The following CRYGN variants were observed in gnomAD, a reference collection of about 807,000 sequenced individuals.
CRYGN encodes the protein gamma-crystallin N.
A neutral mutation model predicts 19.2 loss-of-function variants in CRYGN; 17 were observed. That is an observed-to-expected ratio of 0.89 (90% CI 0.61 to 1.33). The LOEUF (loss-of-function observed/expected upper bound fraction) is 1.33, where lower values mean the gene tolerates loss of function less well. Among genes scored for constraint, CRYGN ranks in the 40% most tolerant of loss-of-function variants. CRYGN has a pLI of 0.00. For missense variants in CRYGN, 239 were observed against 239.6 expected (o/e 1.00, Z 0.02); for synonymous variants, 84 against 85.8 (o/e 0.98, Z 0.12).
Position 151,430,035 on chromosome 7 carries a change from A to G in CRYGN, c.*13T>C, listed in dbSNP as rs900769488. 14 of 929,738 alleles carry G rather than the reference A, an allele frequency of 1.5e-5. No individual in the cohort carries two copies. The highest frequency in any genetic ancestry group is 5.2e-5 in the South Asian group (4 of 77,526). 57.6% of individuals were successfully genotyped at this position (929,738 alleles called of 1,614,324 possible). On this transcript the variant is annotated 3_prime_UTR_variant, in exon 4 of 4. Coordinates refer to ENST00000337323, the MANE Select transcript of CRYGN (RefSeq NM_144727.3). The surrounding 1 kb of genome is among the most constrained non-coding windows in gnomAD (Gnocchi z 5.2). ...ACGGTGCAGGTGCATTTACATGTCA[A>G]TCGGTTCCAGGCTCAGAGGTTTGCA... is the stretch of plus-strand genomic sequence containing the variant.
At position 151,435,377 on chromosome 7, in the gene CRYGN, G is replaced by C. The variant is rs1584825821; in HGVS notation, c.416+803C>G. Among the ~76,000 whole-genome samples the C allele has an allele frequency of 6.6e-6, 1 of 152,198 alleles. No homozygotes were observed. The highest frequency in any genetic ancestry group is 2.1e-4 in the South Asian group (1 of 4,830). On this transcript the variant is annotated intron_variant, in intron 3 of 3. Coordinates refer to ENST00000337323, the MANE Select transcript of CRYGN (RefSeq NM_144727.3). The surrounding 1 kb of genome is among the most constrained non-coding windows in gnomAD (Gnocchi z 4.2). Reference sequence around the variant, plus strand: ...CGGGCAGTCAGCCTTCTGAGTCTCAGCTTGCCCTTTGTAGAACGGGGGCGA... The same window carrying C: ...CGGGCAGTCAGCCTTCTGAGTCTCACCTTGCCCTTTGTAGAACGGGGGCGA...
rs538655088 is a variant in CRYGN at position 151,435,594 on chromosome 7, C to T, written c.416+586G>A. 3.9e-5 allele frequency among the ~76,000 whole-genome samples: 6 copies of T among 152,226 alleles called. No homozygotes were observed. In the South Asian group the frequency reaches 1.2e-3, roughly 32 times the overall value. ...CCATCTGGGCCTGGGCAAAATTCCC[C>T]CAGCTACTTTCTGTCCAGGAGTGAG... is the stretch of plus-strand genomic sequence containing the variant. On this transcript the variant is annotated intron_variant, in intron 3 of 3. Coordinates refer to ENST00000337323, the MANE Select transcript of CRYGN (RefSeq NM_144727.3). This position sits in a 1 kb window ranked among gnomAD's most constrained non-coding sequence, Gnocchi z 4.2.
chr7:151,439,197 G>A (rs1384645835), intron 1 of CRYGN: 1 of 152,252 alleles, frequency 6.6e-6, no homozygotes, highest in Non-Finnish European at 1.5e-5. Flanking sequence ...CACCGGAAAG[G>A]AGGCAGACAC....
intron 3 of CRYGN, chr7:151,432,210 C>G (rs1801486852): frequency 1.6e-6 from 2 of 1,232,060 alleles, no homozygotes; most frequent in East Asian, 6.3e-5. Context: ...CCTCCCAGTC[C>G]GAGAAGCTGC....
chr7:151,440,583 T>C, upstream of CRYGN: 1 of 153,854 alleles, frequency 6.5e-6, no homozygotes, highest in Non-Finnish European at 1.4e-5. Context: ...TCTTCCTGCC[T>C]GCCTCCCTCC....
At chr7:151,437,441 C>T (rs1054535232) in intron 2 of CRYGN, among the ~76,000 whole-genome samples, 4 of 152,228 alleles carry the variant, frequency 2.6e-5, no homozygotes, top group Admixed American at 6.5e-5. Context: ...AACAGTCTTT[C>T]GCCACCGGGG....
At chr7:151,434,844 G>A (rs1487650816) in intron 3 of CRYGN, among the ~76,000 whole-genome samples, 1 of 152,142 alleles carries the variant, frequency 6.6e-6, no homozygotes, top group Non-Finnish European at 1.5e-5. Flanking sequence ...GCCATACATT[G>A]TTTCACTTAA....
chr7:151,432,062 C>T (rs1004501447), intron 3 of CRYGN: 24 of 567,666 alleles, frequency 4.2e-5, no homozygotes, highest in African/African-American at 3.7e-4. Flanking sequence ...GGACTTTTAT[C>T]GCCCAAGGTC....
chr7:151,440,427 G>GACAT (rs1322635303), upstream of CRYGN: 1 of 156,860 alleles, frequency 6.4e-6, no homozygotes, highest in Non-Finnish European at 1.4e-5. Flanking sequence ...CAGACAGACA[G>GACAT]CCCTTGACCG....
In CRYGN at chr7:151,436,361, GTT is replaced by G; in HGVS notation, c.271-38_271-37del. ...AAGCAAAAAAGAAGGAAAGAAGGAG[GTT>G]GCTGTGAATTCCCCTCTCCCAGAAA... is the stretch of plus-strand genomic sequence containing the variant. On this transcript the variant is annotated intron_variant, in intron 2 of 3. Coordinates refer to ENST00000337323, the MANE Select transcript of CRYGN (RefSeq NM_144727.3). The surrounding 1 kb of genome is among the most constrained non-coding windows in gnomAD (Gnocchi z 5.1). 2.1e-5 allele frequency: 26 copies of G among 1,258,080 alleles called. No individual in the cohort carries two copies. The highest frequency in any genetic ancestry group is 2.6e-5 in the Non-Finnish European group (24 of 917,382). 77.9% of individuals were successfully genotyped at this position (1,258,080 alleles called of 1,614,324 possible). A position where few individuals can be genotyped will look rare whatever the true frequency, so the allele number is the denominator to read the frequency against.
chr7:151,439,595 G>A (rs934086220), intron 1 of CRYGN, among the ~76,000 whole-genome samples: 1 of 152,116 alleles, frequency 6.6e-6, no homozygotes, highest in African/African-American at 2.4e-5. Context: ...GGAGGGCTGT[G>A]GGACAAGCCA....
chr7:151,435,998 T>C lies in CRYGN; in HGVS notation c.416+182A>G, dbSNP rs1331662769. ...GCCACAGGGGAAGCTCCCCGCTGCT[T>C]GACTGGGGCAGGTGAGGCAGCTGAG... On this transcript the variant is annotated intron_variant, in intron 3 of 3. Transcript: ENST00000337323. The surrounding 1 kb of genome is among the most constrained non-coding windows in gnomAD (Gnocchi z 4.2). Among the ~76,000 whole-genome samples, 1 of 152,038 alleles carries C rather than the reference T, an allele frequency of 6.6e-6. No homozygotes were observed. Among genetic ancestry groups the C allele is most frequent in the East Asian group, 1.9e-4 (1 of 5,154 alleles).
Position 151,439,977 on chromosome 7 carries a change from G to C in CRYGN, c.-60C>G, listed in dbSNP as rs1448692757. On this transcript the variant is annotated 5_prime_UTR_variant, in exon 1 of 4. Transcript: ENST00000337323. ...CACCGGGCAGCGCCCTGCTGGCTCA[G>C]CGCCGCCCCGGACAAAAGATTTGCT... 6.8e-7 allele frequency: 1 copy of C among 1,462,398 alleles called. No individual in the cohort carries two copies. Among genetic ancestry groups the C allele is most frequent in the Non-Finnish European group, 9.1e-7 (1 of 1,103,650 alleles). 90.6% of individuals were successfully genotyped at this position (1,462,398 alleles called of 1,614,324 possible). A position where few individuals can be genotyped will look rare whatever the true frequency, so the allele number is the denominator to read the frequency against.
chr7:151,434,641 C>T lies in CRYGN; in HGVS notation c.416+1539G>A, dbSNP rs115963245. 5.6e-3 allele frequency among the ~76,000 whole-genome samples: 851 copies of T among 152,308 alleles called. 11 individuals carry two copies. The highest frequency in any genetic ancestry group is 0.019 in the African/African-American group (794 of 41,566). On this transcript the variant is annotated intron_variant, in intron 3 of 3. Coordinates refer to ENST00000337323, the MANE Select transcript of CRYGN (RefSeq NM_144727.3). ...ATCAAAATCCGAGGATGCTCAAGTT[C>T]CTGATATAAAATGGCACTGTATTTG...
In CRYGN at chr7:151,438,045, C is replaced by A. The variant is rs570965363; in HGVS notation, c.221G>T (p.Arg74Leu). 2 of 1,613,960 alleles carry A rather than the reference C, an allele frequency of 1.2e-6. No homozygotes were observed. Among genetic ancestry groups the A allele is most frequent in the Non-Finnish European group, 1.7e-6 (2 of 1,180,040 alleles). ...CATGTGGTCACTGTGGCTGTTCCAG[C>A]GGAAGAAGTCGGGGTAGTCGCCGTG... ...LEHGDYPDFF[R>L]WNSHSDHMGS... is the part of the protein sequence containing the mutation. Residue 74 changes from arginine to leucine, a missense_variant, in exon 2 of 4, where the codon CGC (arginine) becomes CTC (leucine). Coordinates refer to ENST00000337323, the MANE Select transcript of CRYGN (RefSeq NM_144727.3).
In CRYGN at chr7:151,440,068, A is replaced by T; in HGVS notation, c.-151T>A. 1 of 1,356,150 alleles carries T rather than the reference A, an allele frequency of 7.4e-7. No homozygotes were observed. The highest frequency in any genetic ancestry group is 9.5e-7 in the Non-Finnish European group (1 of 1,057,786). 84.0% of individuals were successfully genotyped at this position (1,356,150 alleles called of 1,614,324 possible). On this transcript the variant is annotated 5_prime_UTR_variant, in exon 1 of 4. Coordinates refer to ENST00000337323, the MANE Select transcript of CRYGN (RefSeq NM_144727.3). ...CCCGAGGGGCCACCAGGCGGTTGGG[A>T]CCCGCCGCGGCCACCCTGTGCCACC...
chr7:151,430,262 G>T lies in CRYGN; in HGVS notation c.417-82C>A. 7.4e-7 allele frequency: 1 copy of T among 1,357,624 alleles called. No individual in the cohort carries two copies. The highest frequency in any genetic ancestry group is 1.0e-6 in the Non-Finnish European group (1 of 969,960). The allele number at this position is 1,357,624 out of a possible 1,614,324, so 84.1% of individuals were successfully genotyped here. On this transcript the variant is annotated intron_variant, in intron 3 of 3. Transcript: ENST00000337323. This position sits in a 1 kb window ranked among gnomAD's most constrained non-coding sequence, Gnocchi z 5.2. ...CTTTTGGGGACCCATCTACCACATG[G>T]CAGCAGGGAGCCCCTTCCCCTTTCC...
rs986676282 is a variant in CRYGN, at chr7:151,433,234, A to G, written c.416+2946T>C. On this transcript the variant is annotated intron_variant, in intron 3 of 3. Coordinates refer to ENST00000337323, the MANE Select transcript of CRYGN (RefSeq NM_144727.3). This position sits in a 1 kb window ranked among gnomAD's most constrained non-coding sequence, Gnocchi z 5.1. ...GGCTGGTGGGGGCAGGAGAGAACAC[A>G]GCTCTTCATCACCCAGGAAGCTGTG... Among the ~76,000 whole-genome samples the G allele has an allele frequency of 1.3e-5, 2 of 152,200 alleles. No individual in the cohort carries two copies. Among genetic ancestry groups the G allele is most frequent in the African/African-American group, 4.8e-5 (2 of 41,448 alleles).
intron 3 of CRYGN, chr7:151,432,074 C>T (rs962893337): frequency 3.3e-5 from 22 of 672,736 alleles, no homozygotes; most frequent in Non-Finnish European, 3.8e-5. Context: ...CCCAAGGTCC[C>T]GAGGTCTGGG....
Sources: gnomAD v4.1 joint callset for allele counts (sites outside exome capture counted in the v4.1 genomes callset) on GRCh38, gnomAD v4.1.1 for gene constraint, Gnocchi (gnomAD v3.1) non-coding constraint, MANE v1.5 for transcripts, NCBI Gene and HGNC (gene_info 2026-07-23, HGNC 2026-07-21) for gene names.